The following GABRB3 variants were observed in gnomAD, a reference collection of about 807,000 sequenced individuals.
The protein encoded by GABRB3 is gamma-aminobutyric acid receptor subunit beta-3.
Under a neutral mutation model 52.1 loss-of-function variants are expected in GABRB3, and 14 were observed. That is an observed-to-expected ratio of 0.27 (90% CI 0.18 to 0.42). The LOEUF (loss-of-function observed/expected upper bound fraction) is 0.42. GABRB3 is among the 10% of genes least tolerant of loss of function. The pLI, the probability that GABRB3 is intolerant of heterozygous loss-of-function variation, is 1.00. For synonymous variants in GABRB3, 260 were observed against 232.3 expected (o/e 1.12, Z -1.08); for missense variants, 307 against 609.1 (o/e 0.50, Z 5.22).
intron 8 of GABRB3, among the ~76,000 whole-genome samples, chr15:26,554,041 T>TTATATATATATATATATA (rs1555400774): frequency 1.6e-5 from 1 of 62,106 alleles, no homozygotes; most frequent in Admixed American, 2.3e-4. Flanking sequence ...ATATATTTAT[T>TTATATATATATATATATA]TATTTATATT....
In GABRB3 at chr15:26,547,738, G is replaced by T; in HGVS notation, c.*55C>A. On this transcript the variant is annotated 3_prime_UTR_variant, in exon 9 of 9. Transcript: ENST00000311550. ...TACAGGTATAAAAACTTGACAGGCAGAGTAATATTTCACTCAGTGTTAAAT... is the reference window on the plus strand; with the variant it reads ...TACAGGTATAAAAACTTGACAGGCATAGTAATATTTCACTCAGTGTTAAAT... 7.0e-7 allele frequency: 1 copy of T among 1,427,340 alleles called. No individual in the cohort carries two copies. The highest frequency in any genetic ancestry group is 1.2e-5 in the South Asian group (1 of 86,876). 88.4% of individuals were successfully genotyped at this position (1,427,340 alleles called of 1,614,324 possible).
At chr15:26,674,457 G>A (rs1399108222) in intron 3 of GABRB3, among the ~76,000 whole-genome samples, 8 of 96,598 alleles carry the variant, frequency 8.3e-5, no homozygotes, top group South Asian at 7.9e-4. Flanking sequence ...GAAAGGAAAA[G>A]AAAAGAAAAA....
chr15:26,683,684 G>A lies in GABRB3; in HGVS notation c.241-62150C>T, dbSNP rs534823019. ...GATCATGAGTTTAGACCTGAAAAAC[G>A]CTTTCATGGCTTTTCCACCACATGC... On this transcript the variant is annotated intron_variant, in intron 3 of 8. Coordinates refer to ENST00000311550, the MANE Select transcript of GABRB3 (RefSeq NM_000814.6). Among the ~76,000 whole-genome samples, 20 of 152,254 alleles carry A rather than the reference G, an allele frequency of 1.3e-4. No individual in the cohort carries two copies. The East Asian group carries it at 1.9e-3, about 15-fold the overall frequency.
At chr15:26,646,770 G>A (rs371737594) in intron 3 of GABRB3, among the ~76,000 whole-genome samples, 11 of 152,090 alleles carry the variant, frequency 7.2e-5, no homozygotes, top group Non-Finnish European at 1.3e-4. Context: ...TCTCATTGTG[G>A]TTCTAATTTG....
At chr15:26,652,192 T>A (rs1199476570) in intron 3 of GABRB3, among the ~76,000 whole-genome samples, 3 of 152,178 alleles carry the variant, frequency 2.0e-5, no homozygotes, top group Non-Finnish European at 4.4e-5. Flanking sequence ...AACTAAGAAA[T>A]CTCTAAAACC....
At chr15:26,725,694 T>C (rs1445185449) in intron 3 of GABRB3, among the ~76,000 whole-genome samples, 1 of 152,214 alleles carries the variant, frequency 6.6e-6, no homozygotes, top group Non-Finnish European at 1.5e-5. Flanking sequence ...TATTTGAGGA[T>C]ATCTGCAAAT....
chr15:26,581,250 A>C (rs1176255307), intron 5 of GABRB3: 1 of 153,226 alleles, frequency 6.5e-6, no homozygotes, highest in Non-Finnish European at 1.5e-5. Flanking sequence ...GATCATTTAA[A>C]GCAGAGATTG....
chr15:26,741,446 A>G (rs1214576557), intron 3 of GABRB3, among the ~76,000 whole-genome samples: 2 of 152,176 alleles, frequency 1.3e-5, no homozygotes, highest in Non-Finnish European at 2.9e-5. Flanking sequence ...TAAGCAACCT[A>G]TGACTTCATC....
intron 3 of GABRB3, among the ~76,000 whole-genome samples, chr15:26,712,335 G>T (rs1390873002): frequency 6.6e-6 from 1 of 152,046 alleles, no homozygotes; most frequent in East Asian, 1.9e-4. Flanking sequence ...TTGTTTAAGG[G>T]AATAAATGTG....
intron 3 of GABRB3, among the ~76,000 whole-genome samples, chr15:26,670,697 G>A (rs1312570148): frequency 1.3e-5 from 2 of 152,152 alleles, no homozygotes; most frequent in Admixed American, 6.6e-5. Flanking sequence ...AAATTATGAA[G>A]TGTAACTGTA....
At chr15:26,588,638 A>G (rs1351762860) in intron 4 of GABRB3, among the ~76,000 whole-genome samples, 3 of 152,200 alleles carry the variant, frequency 2.0e-5, no homozygotes, top group African/African-American at 4.8e-5. Flanking sequence ...ATGAAGAGCA[A>G]TAAGGTTGAT....
At chr15:26,674,091 A>T (rs1887983372) in intron 3 of GABRB3, among the ~76,000 whole-genome samples, 2 of 149,110 alleles carry the variant, frequency 1.3e-5, no homozygotes, top group Admixed American at 1.3e-4. Context: ...ATTTCCTGAG[A>T]TGGTGTTTTA....
At chr15:26,639,362 G>A (rs1893140099) in intron 3 of GABRB3, among the ~76,000 whole-genome samples, 2 of 151,046 alleles carry the variant, frequency 1.3e-5, no homozygotes, top group South Asian at 2.1e-4. Flanking sequence ...AAAAAAGATG[G>A]TTATGTCTGT....
intron 3 of GABRB3, among the ~76,000 whole-genome samples, chr15:26,645,911 A>T (rs1305385440): frequency 6.6e-6 from 1 of 151,988 alleles, no homozygotes; most frequent in Non-Finnish European, 1.5e-5. Flanking sequence ...CGCCTGATGG[A>T]GTCTCGTGGC....
At chr15:26,619,917 C>CACACACCACACACACACAAAGT (rs57534048) in intron 4 of GABRB3, among the ~76,000 whole-genome samples, 27,233 of 151,570 alleles carry the variant, frequency 0.18, 2,552 homozygotes, top group African/African-American at 0.26. Context: ...ACAAACCCAA[C>CACACACCACACACACACAAAGT]ACACACCACA....
At chr15:26,612,458 G>A (rs1222284185) in intron 4 of GABRB3, 1 of 152,128 alleles carries the variant, frequency 6.6e-6, no homozygotes, top group Non-Finnish European at 1.5e-5. Flanking sequence ...ACATACCGGG[G>A]AAAGCCAGCT....
intron 4 of GABRB3, among the ~76,000 whole-genome samples, chr15:26,587,509 C>A (rs1891038546): frequency 6.6e-6 from 1 of 152,184 alleles, no homozygotes; most frequent in Non-Finnish European, 1.5e-5. Context: ...GCCACAAAAT[C>A]CTCATCCAAG....
chr15:26,632,742 C>T (rs1369491155), intron 3 of GABRB3, among the ~76,000 whole-genome samples: 2 of 152,158 alleles, frequency 1.3e-5, no homozygotes, highest in Non-Finnish European at 2.9e-5. Flanking sequence ...ATGTGCCTTA[C>T]TTGGGAAAGT....
chr15:26,629,236 A>C (rs535268751), intron 3 of GABRB3: 1 of 1,372,018 alleles, frequency 7.3e-7, no homozygotes, highest in Non-Finnish European at 9.6e-7. Flanking sequence ...AAAGGAGGGC[A>C]GCGCGGAAGC....
Sources: gnomAD v4.1 joint callset for allele counts (sites outside exome capture counted in the v4.1 genomes callset) on GRCh38, gnomAD v4.1.1 for gene constraint, MANE v1.5 for transcripts, NCBI Gene and HGNC (gene_info 2026-07-23, HGNC 2026-07-21) for gene names.